The following PUDP variants were observed in gnomAD, a reference collection of about 807,000 sequenced individuals.
The protein encoded by PUDP is pseudouridine 5'-phosphatase.
Under a neutral mutation model 9.4 loss-of-function variants are expected in PUDP, and 8 were observed. The observed-to-expected ratio is 0.85, with a 90% confidence interval of 0.50 to 1.53. The LOEUF is 1.53. PUDP is among the 40% of genes most tolerant of loss of function. The probability of loss-of-function intolerance (pLI) is 0.00; values close to 1 mark genes in which losing one functional copy is unlikely to be tolerated. For synonymous variants in PUDP, 99 were observed against 80.7 expected, an observed-to-expected ratio of 1.23 and a Z score of -1.22; for missense variants, 188 against 189.7, an observed-to-expected ratio of 0.99 and a Z score of 0.05.
At chrX:6,976,620 G>A (rs1328910342) in intron 3 of PUDP, among the ~76,000 whole-genome samples, 1 of 112,005 alleles carries the variant, frequency 8.9e-6, no homozygotes, top group Admixed American at 9.4e-5. Context: ...CTCACTGGGA[G>A]CTGCAGACTG....
intron 3 of PUDP, among the ~76,000 whole-genome samples, chrX:6,864,595 A>G (rs1350973013): frequency 8.9e-6 from 1 of 111,910 alleles, no homozygotes; most frequent in East Asian, 2.8e-4. Flanking sequence ...GAAGGACAGA[A>G]GTCCTAAGTG....
chrX:7,047,924 G>T (rs1254139546), downstream of PUDP, among the ~76,000 whole-genome samples: 1 of 112,394 alleles, frequency 8.9e-6, no homozygotes, highest in Non-Finnish European at 1.9e-5. Flanking sequence ...ACTGCCAAAT[G>T]TAATCAAAGA....
chrX:6,725,045 C>T (rs1013822696), upstream of PUDP, among the ~76,000 whole-genome samples: 4 of 111,781 alleles, frequency 3.6e-5, no homozygotes, highest in East Asian at 2.8e-4. Context: ...GGTCTGTAAA[C>T]GCTTCCTCTT....
At chrX:6,955,193 C>A (rs1219652461) in intron 3 of PUDP, among the ~76,000 whole-genome samples, 2 of 109,866 alleles carry the variant, frequency 1.8e-5, no homozygotes. Context: ...TCTTGGAGAC[C>A]TTTGTCCTCT....
In PUDP at chrX:6,769,803, C is replaced by T. The variant is rs148221411; in HGVS notation, c.*248-63337G>A. On this transcript the variant is annotated intron_variant and NMD_transcript_variant, in intron 3 of 3. Coordinates refer to the PUDP transcript ENST00000655425. ...TGAGCCTAGCGCCTGGGCTCTCAAT[C>T]GTACTTAAATAAATAGCAATTTTGA... Among the ~76,000 whole-genome samples the T allele has an allele frequency of 5.4e-5, 6 of 111,976 alleles. No individual in the cohort carries two copies. In the East Asian group the frequency reaches 1.7e-3, roughly 32 times the overall value.
chrX:7,002,818 G>C (rs746367111), intron 1 of PUDP, among the ~76,000 whole-genome samples: 1 of 110,132 alleles, frequency 9.1e-6, no homozygotes, highest in South Asian at 4.0e-4. Context: ...GGACATTCTG[G>C]GAACAGGACA....
chrX:6,829,925 G>A (rs766336183), intron 3 of PUDP, among the ~76,000 whole-genome samples: 20 of 110,547 alleles, frequency 1.8e-4, no homozygotes, highest in African/African-American at 5.9e-4. Context: ...CAGCGTTCAC[G>A]CAACTGGTGA....
intron 3 of PUDP, among the ~76,000 whole-genome samples, chrX:6,817,031 A>G (rs1926260120): frequency 1.4e-5 from 1 of 73,380 alleles, no homozygotes; most frequent in Non-Finnish European, 2.3e-5. Context: ...TATATACTAT[A>G]TAGTATATAC....
At chrX:7,123,122 C>T (rs1334074339) in intron 1 of PUDP, among the ~76,000 whole-genome samples, 2 of 112,246 alleles carry the variant, frequency 1.8e-5, no homozygotes, top group Non-Finnish European at 3.8e-5. Context: ...ATTTTTTATA[C>T]TTTAAGGCAA....
At chrX:6,944,821 T>C (rs1422151735) in intron 3 of PUDP, among the ~76,000 whole-genome samples, 1 of 111,434 alleles carries the variant, frequency 9.0e-6, no homozygotes, top group East Asian at 2.8e-4. Flanking sequence ...AATTTCTTCC[T>C]GAGGGGCCTA....
chrX:6,778,726 G>T (rs759942781), intron 3 of PUDP, among the ~76,000 whole-genome samples: 1 of 112,365 alleles, frequency 8.9e-6, no homozygotes, highest in African/African-American at 3.2e-5. Context: ...AGCATGGGGG[G>T]AGAAAGAGAG....
intron 1 of PUDP, among the ~76,000 whole-genome samples, chrX:7,026,964 C>T (rs1929719541): frequency 8.9e-6 from 1 of 111,811 alleles, no homozygotes; most frequent in South Asian, 3.8e-4. Context: ...GATTTTGACA[C>T]CTAGATCTTC....
At chrX:6,827,062 A>C (rs1569106801) in intron 3 of PUDP, among the ~76,000 whole-genome samples, 1 of 111,855 alleles carries the variant, frequency 8.9e-6, no homozygotes, top group Non-Finnish European at 1.9e-5. Flanking sequence ...TTTTTCAGGG[A>C]TGCCTAAGTG....
At chrX:6,913,415 G>A (rs1457522537) in intron 3 of PUDP, among the ~76,000 whole-genome samples, 1 of 111,947 alleles carries the variant, frequency 8.9e-6, no homozygotes, top group Non-Finnish European at 1.9e-5. Flanking sequence ...TGTTTAAAAT[G>A]TTTTAAATGT....
chrX:7,112,440 T>G (rs1488374222), intron 1 of PUDP, among the ~76,000 whole-genome samples: 1 of 112,428 alleles, frequency 8.9e-6, no homozygotes, highest in African/African-American at 3.2e-5. Context: ...CTTGCACAAC[T>G]GAATCTACTT....
chrX:7,072,347 AAATGAG>A (rs1288735085), intron 3 of PUDP, among the ~76,000 whole-genome samples: 1 of 112,457 alleles, frequency 8.9e-6, no homozygotes, highest in Non-Finnish European at 1.9e-5. Context: ...TAGGCTGGCA[AAATGAG>A]TCTACTCTAT....
rs200393317 is a variant in PUDP, at chrX:6,881,754, CA to C, written c.*247+95378del. Among the ~76,000 whole-genome samples, 979 of 110,283 alleles carry C rather than the reference CA, an allele frequency of 8.9e-3. 8 individuals carry two copies. The highest frequency in any genetic ancestry group is 0.013 in the Admixed American group (130 of 10,247). Reference sequence around the variant, plus strand: ...ATGGATGAGTGACTTAAAGCCCCTACAAAAAAACAAGAGTGAATTTGCTAAG... The same window carrying C: ...ATGGATGAGTGACTTAAAGCCCCTACAAAAAACAAGAGTGAATTTGCTAAG... On this transcript the variant is annotated intron_variant and NMD_transcript_variant, in intron 3 of 3. Coordinates refer to the PUDP transcript ENST00000655425.
intron 3 of PUDP, among the ~76,000 whole-genome samples, chrX:6,882,251 G>T (rs1037941824): frequency 6.9e-4 from 74 of 107,126 alleles, no homozygotes; most frequent in Admixed American, 6.6e-3. Flanking sequence ...ATATTAGGTC[G>T]GTGCTAAAGT....
At chrX:6,858,523 G>T (rs1926947997) in intron 3 of PUDP, among the ~76,000 whole-genome samples, 1 of 109,204 alleles carries the variant, frequency 9.2e-6, no homozygotes. Flanking sequence ...TAGAGATGGA[G>T]TCCCATTATG....
Sources: gnomAD v4.1 joint callset for allele counts (sites outside exome capture counted in the v4.1 genomes callset) on GRCh38, gnomAD v4.1.1 for gene constraint, MANE v1.5 for transcripts, NCBI Gene and HGNC (gene_info 2026-07-23, HGNC 2026-07-21) for gene names.